Variants in ARHGEF28 observed in about 807,000 individuals in gnomAD.
ARHGEF28 encodes the protein 190 kDa guanine nucleotide exchange factor.
A neutral mutation model predicts 206.6 loss-of-function variants in ARHGEF28; 152 were observed. That is an observed-to-expected ratio of 0.74 (90% CI 0.64 to 0.84). The LOEUF is 0.84. Among genes scored for constraint, ARHGEF28 ranks in the 40% least tolerant of loss-of-function variants. The pLI is 0.00. For synonymous variants in ARHGEF28, 763 were observed against 776.4 expected, an observed-to-expected ratio of 0.98 and a Z score of 0.29; for missense variants, 2,028 against 2,073.2, an observed-to-expected ratio of 0.98 and a Z score of 0.42.
intron 22 of ARHGEF28, among the ~76,000 whole-genome samples, chr5:73,880,946 A>AAT (rs398109045): frequency 6.6e-6 from 1 of 150,828 alleles, no homozygotes; most frequent in Non-Finnish European, 1.5e-5. Flanking sequence ...CAAAAAAAAA[A>AAT]GTTGTACAGT....
At chr5:73,934,951 T>C (rs189942386) in intron 35 of ARHGEF28, among the ~76,000 whole-genome samples, 401 of 152,332 alleles carry the variant, frequency 2.6e-3, no homozygotes, top group Non-Finnish European at 4.3e-3. Context: ...GGGCTTGTGA[T>C]GTGAAGGCCA....
At chr5:73,790,576 G>T (rs552916327) in intron 7 of ARHGEF28, among the ~76,000 whole-genome samples, 4 of 151,398 alleles carry the variant, frequency 2.6e-5, no homozygotes, top group Admixed American at 6.6e-5. Flanking sequence ...TCACTGATAA[G>T]TCTCATTTTG....
chr5:73,849,464 T>G (rs1050075448), intron 13 of ARHGEF28, among the ~76,000 whole-genome samples: 5 of 152,106 alleles, frequency 3.3e-5, no homozygotes, highest in African/African-American at 1.2e-4. Flanking sequence ...GCTAACATAA[T>G]CCAACTCCTC....
chr5:73,909,393 C>A lies in ARHGEF28; in HGVS notation c.4162-19C>A. ...TGGAACCTTGTGTTCAGTGATTTTT[C>A]CTCTGTCTGCTCTGACAGGCCGCCT... On this transcript the variant is annotated intron_variant, in intron 33 of 35. Coordinates refer to ENST00000513042, the MANE Select transcript of ARHGEF28 (RefSeq NM_001177693.2). 6.4e-7 allele frequency: 1 copy of A among 1,571,240 alleles called. No individual in the cohort carries two copies. Among genetic ancestry groups the A allele is most frequent in the South Asian group, 1.2e-5 (1 of 85,920 alleles).
intron 2 of ARHGEF28, among the ~76,000 whole-genome samples, chr5:73,714,432 G>A (rs1749443563): frequency 6.6e-6 from 1 of 152,158 alleles, no homozygotes; most frequent in East Asian, 1.9e-4. Flanking sequence ...AGGCACTAAA[G>A]AATATCACCG....
At chr5:73,821,701 A>G (rs2129401) in intron 9 of ARHGEF28, among the ~76,000 whole-genome samples, 88,646 of 151,758 alleles carry the variant, frequency 0.58, 26,340 homozygotes, top group East Asian at 0.88. Flanking sequence ...CGGTTTGCCA[A>G]TTTTTCCTTG....
chr5:73,651,843 G>A (rs1744855642), intron 1 of ARHGEF28, among the ~76,000 whole-genome samples: 2 of 152,152 alleles, frequency 1.3e-5, no homozygotes, highest in South Asian at 2.1e-4. Flanking sequence ...CTTGCAAGGG[G>A]AGAGGCAATT....
intron 1 of ARHGEF28, among the ~76,000 whole-genome samples, chr5:73,656,863 G>C (rs1246051018): frequency 6.6e-6 from 1 of 151,976 alleles, no homozygotes; most frequent in Non-Finnish European, 1.5e-5. Context: ...TGGCCTTCTT[G>C]CTGCTCCTAT....
chr5:73,809,396 G>A (rs1755706415), intron 9 of ARHGEF28, among the ~76,000 whole-genome samples: 1 of 152,152 alleles, frequency 6.6e-6, no homozygotes, highest in Non-Finnish European at 1.5e-5. Flanking sequence ...CATTCGCTAT[G>A]AGACAACTAA....
chr5:73,874,454 AC>A (rs1760311548), intron 22 of ARHGEF28, among the ~76,000 whole-genome samples: 1 of 151,502 alleles, frequency 6.6e-6, no homozygotes, highest in African/African-American at 2.4e-5. Context: ...GTACATGTGC[AC>A]AATGTGCAGG....
chr5:73,687,974 T>C (rs1008431606), intron 2 of ARHGEF28, among the ~76,000 whole-genome samples: 1 of 152,184 alleles, frequency 6.6e-6, no homozygotes, highest in Admixed American at 6.5e-5. Flanking sequence ...ACTTTATGTA[T>C]GTACTTCAAG....
chr5:73,668,908 C>G (rs930812169), intron 1 of ARHGEF28, among the ~76,000 whole-genome samples: 2 of 152,154 alleles, frequency 1.3e-5, no homozygotes, highest in African/African-American at 2.4e-5. Flanking sequence ...AGTTATTGCC[C>G]CACTTCAAAC....
At chr5:73,777,169 C>T (rs1040773065) in intron 6 of ARHGEF28, among the ~76,000 whole-genome samples, 4 of 152,098 alleles carry the variant, frequency 2.6e-5, no homozygotes, top group African/African-American at 4.8e-5. Context: ...TTTCACCTTC[C>T]CATCATGGTC....
At chr5:73,641,026 G>T (rs138515310) in intron 1 of ARHGEF28, among the ~76,000 whole-genome samples, 2 of 152,304 alleles carry the variant, frequency 1.3e-5, no homozygotes, top group Non-Finnish European at 2.9e-5. Flanking sequence ...CCTCAAAGAG[G>T]CTGTTGTGTA....
intron 35 of ARHGEF28, among the ~76,000 whole-genome samples, chr5:73,920,075 G>A (rs1763435977): frequency 6.6e-6 from 1 of 152,184 alleles, no homozygotes. Context: ...GCAACCATGA[G>A]CTGAAGCCAC....
chr5:73,738,752 G>T (rs547529810), intron 2 of ARHGEF28, among the ~76,000 whole-genome samples: 3 of 152,234 alleles, frequency 2.0e-5, no homozygotes, highest in Admixed American at 1.3e-4. Context: ...TGGAGACCTG[G>T]GGTTGTTTGT....
At chr5:73,825,581 T>A (rs1756857058) in intron 9 of ARHGEF28, among the ~76,000 whole-genome samples, 1 of 152,202 alleles carries the variant, frequency 6.6e-6, no homozygotes, top group Non-Finnish European at 1.5e-5. Flanking sequence ...CGATTTCCTT[T>A]GTCTATCCTG....
At position 73,665,670 on chromosome 5, in the gene ARHGEF28, G is replaced by A. The variant is rs1021563813; in HGVS notation, c.-11-19171G>A. 6.6e-5 allele frequency among the ~76,000 whole-genome samples: 10 copies of A among 152,056 alleles called. No homozygotes were observed. The East Asian group carries it at 9.6e-4, about 15-fold the overall frequency. ...ATGAGAGAGGAAGAGGGGGCCAAAC[G>A]TCCTTTTATAACAAACCCTCTCATG... is the stretch of plus-strand genomic sequence containing the variant. On this transcript the variant is annotated intron_variant, in intron 1 of 35. Coordinates refer to ENST00000513042, the MANE Select transcript of ARHGEF28 (RefSeq NM_001177693.2).
chr5:73,860,267 C>G (rs1233484032), intron 16 of ARHGEF28, among the ~76,000 whole-genome samples: 1 of 152,188 alleles, frequency 6.6e-6, no homozygotes, highest in East Asian at 1.9e-4. Flanking sequence ...TTAATATCTT[C>G]TTTCCTCGCT....
Sources: allele counts gnomAD v4.1 joint callset (sites outside exome capture counted in the v4.1 genomes callset), GRCh38; gene constraint gnomAD v4.1.1; transcripts MANE v1.5; gene names NCBI Gene and HGNC (gene_info 2026-07-23, HGNC 2026-07-21).